PCSK1: variants seen among roughly 807,000 people sequenced by gnomAD.
PCSK1 encodes neuroendocrine convertase 1.
In PCSK1, 56 loss-of-function variants were observed where a neutral mutation model predicts 90.6. The observed-to-expected ratio is 0.62, with a 90% CI of 0.50 to 0.77. PCSK1 has a LOEUF of 0.77. Among genes scored for constraint, PCSK1 ranks in the 30% least tolerant of loss-of-function variants. The pLI is 0.00. For missense variants in PCSK1, 801 were observed against 932.6 expected (o/e 0.86, Z 1.84); for synonymous variants, 348 against 342.4 (o/e 1.02, Z -0.18).
chr5:96,430,107 G>C (rs568608582), intron 1 of PCSK1, among the ~76,000 whole-genome samples: 3 of 152,106 alleles, frequency 2.0e-5, no homozygotes, highest in African/African-American at 7.2e-5. Context: ...ATTAGTGATC[G>C]TTTGATTTTC....
At chr5:96,399,227 A>G (rs772692915) in intron 10 of PCSK1, among the ~76,000 whole-genome samples, 191 bp from the exon 11 acceptor site, 49 of 152,228 alleles carry the variant, frequency 3.2e-4, no homozygotes, top group Non-Finnish European at 5.3e-4. Context: ...AGGGGCACTA[A>G]TACTTAAATA....
intron 9 of PCSK1, among the ~76,000 whole-genome samples, chr5:96,405,035 G>A (rs531741395): frequency 6.6e-6 from 1 of 152,122 alleles, no homozygotes; most frequent in Non-Finnish European, 1.5e-5. Flanking sequence ...TGAGTGCCTT[G>A]GGATAAAGCT....
In PCSK1 at chr5:96,390,678, G is replaced by C. The variant is rs959133473; in HGVS notation, c.*2323C>G. 2 of 152,426 alleles carry C rather than the reference G, an allele frequency of 1.3e-5. No individual in the cohort carries two copies. The highest frequency in any genetic ancestry group is 4.8e-5 in the African/African-American group (2 of 41,382). The allele number at this position is 152,426 out of a possible 1,614,324, so 9.4% of individuals were successfully genotyped here. On this transcript the variant is annotated 3_prime_UTR_variant, in exon 14 of 14. Coordinates refer to ENST00000311106, the MANE Select transcript of PCSK1 (RefSeq NM_000439.5). ...CTCTTTAAAATTCTGTTTGATAAAA[G>C]CATTGGTATATTATAAATACCTGTA...
intron 2 of PCSK1, among the ~76,000 whole-genome samples, chr5:96,428,347 AC>A (rs1761384784): frequency 6.6e-6 from 1 of 152,174 alleles, no homozygotes; most frequent in Non-Finnish European, 1.5e-5. Flanking sequence ...GTCCTAGGTA[AC>A]AAAAATTATG....
At chr5:96,425,094 C>A (rs2112444173) in intron 3 of PCSK1, among the ~76,000 whole-genome samples, 1 of 151,592 alleles carries the variant, frequency 6.6e-6, no homozygotes, top group African/African-American at 2.4e-5. Context: ...TCAAGAGAAA[C>A]TGATCCCCTT....
intron 9 of PCSK1, among the ~76,000 whole-genome samples, chr5:96,401,529 A>G (rs1355050761): frequency 6.6e-6 from 1 of 152,218 alleles, no homozygotes; most frequent in Admixed American, 6.5e-5. Context: ...AGTCTTAGTA[A>G]GATTAATTTA....
chr5:96,416,010 A>G (rs1397174363), intron 6 of PCSK1, 23 bp downstream of exon 6: 2 of 1,457,160 alleles, frequency 1.4e-6, no homozygotes, highest in Non-Finnish European at 1.9e-6. Flanking sequence ...ATGCCAAGCT[A>G]TAGGGACAAT....
chr5:96,409,819 G>A (rs1760694064), intron 8 of PCSK1, among the ~76,000 whole-genome samples: 1 of 152,220 alleles, frequency 6.6e-6, no homozygotes, highest in South Asian at 2.1e-4. Flanking sequence ...CGCGTGAGAA[G>A]CAGGCCCACA....
intron 9 of PCSK1, among the ~76,000 whole-genome samples, chr5:96,406,614 G>A (rs563131287): frequency 1.5e-4 from 23 of 152,146 alleles, no homozygotes; most frequent in Non-Finnish European, 2.6e-4. Flanking sequence ...GGATCCTAGA[G>A]ATAAACTGGA....
At chr5:96,410,239 A>T (rs1414523077) in intron 8 of PCSK1, among the ~76,000 whole-genome samples, 2 of 150,530 alleles carry the variant, frequency 1.3e-5, no homozygotes, top group East Asian at 3.9e-4. Flanking sequence ...TGAGCATACG[A>T]CCTCCCCGAG....
At chr5:96,403,622 A>C (rs1034339686) in intron 9 of PCSK1, among the ~76,000 whole-genome samples, 1 of 152,254 alleles carries the variant, frequency 6.6e-6, no homozygotes, top group African/African-American at 2.4e-5. Context: ...ATATGTTTAC[A>C]GAAAATAAGG....
intron 1 of PCSK1, among the ~76,000 whole-genome samples, chr5:96,431,674 G>T (rs758193810): frequency 7.9e-5 from 12 of 152,084 alleles, no homozygotes; most frequent in Non-Finnish European, 1.6e-4. Flanking sequence ...AAGACAATTT[G>T]GTTTATAAAG....
chr5:96,392,750 A>G lies in PCSK1; in HGVS notation c.*251T>C. The G allele has an allele frequency of 1.9e-6, 1 of 532,420 alleles. No individual in the cohort carries two copies. Among genetic ancestry groups the G allele is most frequent in the East Asian group, 3.3e-5 (1 of 30,504 alleles). The allele number at this position is 532,420 out of a possible 1,614,324, so 33.0% of individuals were successfully genotyped here. On this transcript the variant is annotated 3_prime_UTR_variant, in exon 14 of 14. Coordinates refer to ENST00000311106, the MANE Select transcript of PCSK1 (RefSeq NM_000439.5). ...AGCTTTTTGTCAACTGTGACTCCAG[A>G]AAGAACAAAACACTTCACTTGTGCA...
In PCSK1 at chr5:96,429,309, T is replaced by G; in HGVS notation, c.189A>C (p.Ser63=). Residue 63 remains serine, a synonymous_variant, in exon 2 of 14, where the codon TCA becomes TCC. Coordinates refer to ENST00000311106, the MANE Select transcript of PCSK1 (RefSeq NM_000439.5). ...LGYDLLGQIG[S]LENHYLFKHK... is the part of the protein sequence containing the mutation. Reference sequence around the variant, plus strand: ...GTTTGAATAAGTAGTGATTTTCAAGTGAACCAATCTATAAAAGGAAAGAAA... The same window carrying G: ...GTTTGAATAAGTAGTGATTTTCAAGGGAACCAATCTATAAAAGGAAAGAAA... 1 of 1,536,686 alleles carries G rather than the reference T, an allele frequency of 6.5e-7. No individual in the cohort carries two copies. The highest frequency in any genetic ancestry group is 9.0e-7 in the Non-Finnish European group (1 of 1,109,658).
chr5:96,404,904 T>A (rs1237042694), intron 9 of PCSK1, among the ~76,000 whole-genome samples: 2 of 152,220 alleles, frequency 1.3e-5, no homozygotes, highest in Non-Finnish European at 2.9e-5. Context: ...CTGTGTCTGG[T>A]CTACAGTAAG....
intron 10 of PCSK1, 149 bp downstream of exon 10, chr5:96,399,804 T>A: frequency 1.5e-6 from 1 of 678,368 alleles, no homozygotes; most frequent in South Asian, 1.7e-5. Context: ...TCTTAGTTAG[T>A]CCCCATGGAT....
chr5:96,404,627 C>A (rs546510134), intron 9 of PCSK1, among the ~76,000 whole-genome samples: 39 of 152,202 alleles, frequency 2.6e-4, no homozygotes, highest in Admixed American at 6.5e-4. Context: ...CTCAATCTTC[C>A]GAACCCTCCT....
Position 96,410,837 on chromosome 5 carries a change from A to G in PCSK1, c.1032T>C (p.Ala344=). 5 of 1,614,158 alleles carry G rather than the reference A, an allele frequency of 3.1e-6. No homozygotes were observed. Among genetic ancestry groups the G allele is most frequent in the Non-Finnish European group, 4.2e-6 (5 of 1,180,012 alleles). ...ASQQGLSPWY[A]EKCSSTLATS... is the part of the protein sequence containing the mutation. ...TGGCCAGTGTGGAGGAGCACTTCTC[A>G]GCGTACCAGGGGGATAGGCCTTGCT... is the stretch of plus-strand genomic sequence containing the variant. Residue 344 remains alanine, a synonymous_variant, in exon 8 of 14, where the codon GCT becomes GCC. Transcript: ENST00000311106.
intron 5 of PCSK1, among the ~76,000 whole-genome samples, chr5:96,421,556 GGAATT>G (rs1761129642): frequency 6.6e-6 from 1 of 152,170 alleles, no homozygotes; most frequent in Non-Finnish European, 1.5e-5. Context: ...GATTCATAGA[GGAATT>G]GAGGGGAGGG....
Sources: gnomAD v4.1 joint callset for allele counts (sites outside exome capture counted in the v4.1 genomes callset) on GRCh38, gnomAD v4.1.1 for gene constraint, MANE v1.5 for transcripts, NCBI Gene and HGNC (gene_info 2026-07-23, HGNC 2026-07-21) for gene names.